KCNB2: variants seen among roughly 807,000 people sequenced by gnomAD.
KCNB2 encodes the protein delayed rectifier potassium channel protein.
Under a neutral mutation model 61.5 loss-of-function variants are expected in KCNB2, and 15 were observed. The observed-to-expected ratio is 0.24, with a 90% CI of 0.16 to 0.38. The LOEUF (loss-of-function observed/expected upper bound fraction) is 0.38. KCNB2 is among the 10% of genes least tolerant of loss of function. The pLI, the probability that KCNB2 is intolerant of heterozygous loss-of-function variation, is 1.00. For synonymous variants in KCNB2, 457 were observed against 446.0 expected (o/e 1.02, Z -0.31); for missense variants, 828 against 1,125.2 (o/e 0.74, Z 3.78).
chr8:72,931,106 G>T (rs1332544629), intron 2 of KCNB2, among the ~76,000 whole-genome samples: 5 of 152,198 alleles, frequency 3.3e-5, no homozygotes, highest in Non-Finnish European at 7.3e-5. Flanking sequence ...TCAGATAGTT[G>T]TAGATGTGTG....
chr8:72,582,387 G>A (rs1298401567), intron 2 of KCNB2, among the ~76,000 whole-genome samples: 1 of 152,196 alleles, frequency 6.6e-6, no homozygotes, highest in Non-Finnish European at 1.5e-5. Flanking sequence ...TGTCTCAGAT[G>A]TTGCACTTCC....
At chr8:72,814,665 T>C (rs1198054684) in intron 2 of KCNB2, among the ~76,000 whole-genome samples, 4 of 152,194 alleles carry the variant, frequency 2.6e-5, no homozygotes, top group Non-Finnish European at 5.9e-5. Flanking sequence ...ATTCAGATGA[T>C]AAAAGTCCGC....
At chr8:72,663,075 C>G (rs956860758) in intron 2 of KCNB2, among the ~76,000 whole-genome samples, 1 of 152,112 alleles carries the variant, frequency 6.6e-6, no homozygotes, top group African/African-American at 2.4e-5. Flanking sequence ...CATTTCTGCA[C>G]TCCAGGTGGG....
intron 2 of KCNB2, among the ~76,000 whole-genome samples, chr8:72,784,275 C>A (rs1308754750): frequency 6.6e-6 from 1 of 152,142 alleles, no homozygotes; most frequent in Non-Finnish European, 1.5e-5. Flanking sequence ...ACCCCCTACT[C>A]AACCTCTGGT....
At chr8:72,670,240 T>C (rs1806541197) in intron 2 of KCNB2, among the ~76,000 whole-genome samples, 1 of 152,232 alleles carries the variant, frequency 6.6e-6, no homozygotes, top group Non-Finnish European at 1.5e-5. Flanking sequence ...AAGTTGCTTC[T>C]AATGAGTGGT....
intron 2 of KCNB2, among the ~76,000 whole-genome samples, chr8:72,615,969 C>G (rs1333974077): frequency 6.6e-6 from 1 of 152,140 alleles, no homozygotes; most frequent in African/African-American, 2.4e-5. Context: ...TAATTTATTG[C>G]TTTTGAAATG....
rs76482448 is a variant in KCNB2 at position 72,654,810 on chromosome 8, T to C, written c.579+86497T>C. Among the ~76,000 whole-genome samples, 948 of 152,222 alleles carry C rather than the reference T, an allele frequency of 6.2e-3. 9 individuals carry two copies. Among genetic ancestry groups the C allele is most frequent in the African/African-American group, 0.022 (896 of 41,542 alleles). ...GTGAGAAAAAGATAAAAAATACTGC[T>C]GACGAGGTTACGGGGAAAAGGGAAT... On this transcript the variant is annotated intron_variant, in intron 2 of 2. Coordinates refer to ENST00000523207, the MANE Select transcript of KCNB2 (RefSeq NM_004770.3).
intron 2 of KCNB2, among the ~76,000 whole-genome samples, chr8:72,831,995 G>A (rs1232352229): frequency 1.3e-5 from 2 of 152,184 alleles, no homozygotes; most frequent in African/African-American, 4.8e-5. Context: ...TGCCATAAAG[G>A]TTAGGAAAAA....
chr8:72,882,270 C>T (rs767592955), intron 2 of KCNB2, among the ~76,000 whole-genome samples: 1 of 152,132 alleles, frequency 6.6e-6, no homozygotes, highest in Non-Finnish European at 1.5e-5. Context: ...CTTGGTTTCC[C>T]CATCTGCAGT....
intron 2 of KCNB2, among the ~76,000 whole-genome samples, chr8:72,735,573 C>A (rs906781795): frequency 1.3e-5 from 2 of 152,182 alleles, no homozygotes; most frequent in Admixed American, 1.3e-4. Context: ...AATTCAGACA[C>A]TGAAGCTCAT....
chr8:72,809,862 C>A (rs1809279968), intron 2 of KCNB2, among the ~76,000 whole-genome samples: 1 of 152,086 alleles, frequency 6.6e-6, no homozygotes, highest in Admixed American at 6.6e-5. Flanking sequence ...CATTTTTAGC[C>A]TTTTCTTATT....
intron 2 of KCNB2, among the ~76,000 whole-genome samples, chr8:72,780,476 G>T (rs1451687967): frequency 6.6e-6 from 1 of 152,114 alleles, no homozygotes; most frequent in Non-Finnish European, 1.5e-5. Context: ...CAGATTTTAA[G>T]TCTGTTCCTA....
chr8:72,734,627 G>C (rs375010004), intron 2 of KCNB2, among the ~76,000 whole-genome samples: 3 of 152,092 alleles, frequency 2.0e-5, no homozygotes, highest in Non-Finnish European at 2.9e-5. Flanking sequence ...AATATTCCCC[G>C]GGAGAAGAAA....
intron 2 of KCNB2, among the ~76,000 whole-genome samples, chr8:72,933,683 C>A (rs994582579): frequency 6.6e-6 from 1 of 152,202 alleles, no homozygotes; most frequent in African/African-American, 2.4e-5. Flanking sequence ...GTACATGTTA[C>A]CCTGCCATTG....
At chr8:72,931,777 C>G (rs1266963184) in intron 2 of KCNB2, among the ~76,000 whole-genome samples, 4 of 152,066 alleles carry the variant, frequency 2.6e-5, no homozygotes, top group Admixed American at 2.6e-4. Flanking sequence ...TTTGAGAGGC[C>G]AAGGTGGGTG....
rs201660881 is a variant in KCNB2, at chr8:72,937,176, C to T, written c.1821C>T (p.Thr607=). Residue 607 remains threonine, a synonymous_variant, in exon 3 of 3, where the codon ACC becomes ACT. Coordinates refer to ENST00000523207, the MANE Select transcript of KCNB2 (RefSeq NM_004770.3). The stretch of plus-strand genomic sequence containing the variant: ...GCACCTCCAGCATCGACAGCTTCAC[C>T]AGCTGTGCCACCGACTTCACAGAGA... ...MKSTSSIDSF[T]SCATDFTETE... The T allele has an allele frequency of 6.4e-5, 103 of 1,613,962 alleles. No individual in the cohort carries two copies. The highest frequency in any genetic ancestry group is 1.6e-4 in the Middle Eastern group (1 of 6,084).
chr8:72,804,087 CAG>C (rs1485462153), intron 2 of KCNB2, among the ~76,000 whole-genome samples: 4 of 152,130 alleles, frequency 2.6e-5, no homozygotes, highest in African/African-American at 9.7e-5. Flanking sequence ...AGGCCTTGTA[CAG>C]AGTCACCCCT....
intron 2 of KCNB2, among the ~76,000 whole-genome samples, chr8:72,907,324 T>G (rs1385135134): frequency 6.6e-6 from 1 of 151,882 alleles, no homozygotes; most frequent in Non-Finnish European, 1.5e-5. Flanking sequence ...GCCACTGCAC[T>G]CCAGCCTAGG....
intron 2 of KCNB2, among the ~76,000 whole-genome samples, chr8:72,745,776 G>C (rs1287769699): frequency 6.6e-6 from 1 of 152,078 alleles, no homozygotes; most frequent in Non-Finnish European, 1.5e-5. Context: ...GATATCACCT[G>C]GCTTGGAGCT....
Sources: gnomAD v4.1 joint callset for allele counts (sites outside exome capture counted in the v4.1 genomes callset) on GRCh38, gnomAD v4.1.1 for gene constraint, MANE v1.5 for transcripts, NCBI Gene and HGNC (gene_info 2026-07-23, HGNC 2026-07-21) for gene names.